ACTR3B: variants seen among roughly 807,000 people sequenced by gnomAD.
ACTR3B encodes the protein actin-related protein 3B.
A neutral mutation model predicts 59.0 loss-of-function variants in ACTR3B; 8 were observed. That is an observed-to-expected ratio of 0.14 (90% confidence interval 0.08 to 0.24). ACTR3B has a LOEUF of 0.24. Among genes scored for constraint, ACTR3B ranks in the 10% least tolerant of loss-of-function variants. The probability of loss-of-function intolerance (pLI) is 1.00; values close to 1 mark genes in which losing one functional copy is unlikely to be tolerated. For missense variants in ACTR3B, 245 were observed against 552.3 expected (o/e 0.44, Z 5.58); for synonymous variants, 148 against 197.9 (o/e 0.75, Z 2.12).
intron 2 of ACTR3B, among the ~76,000 whole-genome samples, chr7:152,788,703 G>A (rs1018747906): frequency 1.3e-4 from 20 of 152,140 alleles, no homozygotes; most frequent in Non-Finnish European, 1.6e-4. Context: ...GAGCCACTGC[G>A]CCTGGCCTTA....
intron 1 of ACTR3B, among the ~76,000 whole-genome samples, chr7:152,774,502 G>A (rs1184911310): frequency 6.6e-6 from 1 of 152,092 alleles, no homozygotes. Context: ...TTTTAGTGGG[G>A]CTTTGGGAAA....
At chr7:152,837,419 C>CCA (rs1380050013) in intron 9 of ACTR3B, among the ~76,000 whole-genome samples, 4 of 152,200 alleles carry the variant, frequency 2.6e-5, no homozygotes, top group Non-Finnish European at 4.4e-5. Context: ...CACATTTAAG[C>CCA]CATCAGAGTA....
intron 2 of ACTR3B, among the ~76,000 whole-genome samples, chr7:152,790,258 G>C (rs2098191122): frequency 6.6e-6 from 1 of 152,248 alleles, no homozygotes; most frequent in African/African-American, 2.4e-5. Flanking sequence ...CTCTCAAAGT[G>C]TTGAAATTAT....
chr7:152,854,814 T>C lies in ACTR3B; in HGVS notation c.*261T>C. ...CCTCCTCCTCCTCCGAGCTGCTAGC[T>C]GACAAATACAATTCTGAAGGAATCC... On this transcript the variant is annotated 3_prime_UTR_variant, in exon 12 of 12. Coordinates refer to ENST00000256001, the MANE Select transcript of ACTR3B (RefSeq NM_020445.6). The surrounding 1 kb of genome is among the most constrained non-coding windows in gnomAD (Gnocchi z 4.9). 2.4e-6 allele frequency: 1 copy of C among 420,200 alleles called. No homozygotes were observed. Among genetic ancestry groups the C allele is most frequent in the Non-Finnish European group, 4.3e-6 (1 of 232,746 alleles). 26.0% of individuals were successfully genotyped at this position (420,200 alleles called of 1,614,324 possible).
chr7:152,837,146 C>T (rs1022122743), intron 9 of ACTR3B, among the ~76,000 whole-genome samples: 11 of 152,030 alleles, frequency 7.2e-5, no homozygotes, highest in South Asian at 6.2e-4. Context: ...ACTGCAGTCC[C>T]GCCTGGGTGA....
chr7:152,824,699 T>C lies in ACTR3B; in HGVS notation c.859-331T>C, dbSNP rs1178186620. ...GATATGTCAAAGTCATGTTTCTCACTGCGTGTCACATAGATCGTGCACATA... is the reference window on the plus strand; with the variant it reads ...GATATGTCAAAGTCATGTTTCTCACCGCGTGTCACATAGATCGTGCACATA... On this transcript the variant is annotated intron_variant, in intron 8 of 11. Transcript: ENST00000256001. The surrounding 1 kb of genome is among the most constrained non-coding windows in gnomAD (Gnocchi z 4.2). Among the ~76,000 whole-genome samples, 1 of 152,246 alleles carries C rather than the reference T, an allele frequency of 6.6e-6. No individual in the cohort carries two copies. The highest frequency in any genetic ancestry group is 1.9e-4 in the East Asian group (1 of 5,202).
intron 9 of ACTR3B, among the ~76,000 whole-genome samples, chr7:152,842,822 G>A (rs1012723859): frequency 1.1e-4 from 16 of 152,142 alleles, no homozygotes; most frequent in Admixed American, 1.0e-3. Flanking sequence ...TTGTTGTATG[G>A]TAAGTTTTTC....
chr7:152,760,214 G>C (rs1304726959), intron 1 of ACTR3B, among the ~76,000 whole-genome samples: 2 of 152,160 alleles, frequency 1.3e-5, no homozygotes, highest in African/African-American at 4.8e-5. Flanking sequence ...CCACGTGGCC[G>C]GGCCCCTGGA....
intron 2 of ACTR3B, among the ~76,000 whole-genome samples, chr7:152,800,136 C>T (rs1308157339): frequency 6.6e-6 from 1 of 152,108 alleles, no homozygotes; most frequent in Non-Finnish European, 1.5e-5. Context: ...CATTATTTTT[C>T]AGTTTACTCT....
rs184210724 is a variant in ACTR3B, at chr7:152,843,793, T to G, written c.952-8333T>G. Among the ~76,000 whole-genome samples, 59 of 152,364 alleles carry G rather than the reference T, an allele frequency of 3.9e-4. 1 individual carries two copies. Among genetic ancestry groups the G allele is most frequent in the Admixed American group, 3.3e-3 (51 of 15,312 alleles). On this transcript the variant is annotated intron_variant, in intron 9 of 11. Transcript: ENST00000256001. Reference sequence around the variant, plus strand: ...GCAGATTAAAGTTTTGTATTAATGTTAAGTTTATGAAGTTGGCAGTTGTAC... The same window carrying G: ...GCAGATTAAAGTTTTGTATTAATGTGAAGTTTATGAAGTTGGCAGTTGTAC...
chr7:152,850,751 A>T (rs1798740190), intron 9 of ACTR3B, among the ~76,000 whole-genome samples: 2 of 151,396 alleles, frequency 1.3e-5, no homozygotes, highest in African/African-American at 4.9e-5. Flanking sequence ...GTTGCTAGGG[A>T]CAGAAAAGTG....
At chr7:152,787,578 T>C (rs2116648253) in intron 2 of ACTR3B, among the ~76,000 whole-genome samples, 1 of 152,126 alleles carries the variant, frequency 6.6e-6, no homozygotes, top group Admixed American at 6.5e-5. Flanking sequence ...GTGAGTATGG[T>C]GTGAAGGAGA....
chr7:152,787,745 G>A (rs1001183783), intron 2 of ACTR3B, among the ~76,000 whole-genome samples: 1 of 151,878 alleles, frequency 6.6e-6, no homozygotes, highest in African/African-American at 2.4e-5. Context: ...ATTTATCTGT[G>A]TTCCGTACGT....
At chr7:152,800,687 G>A (rs1371921513) in intron 3 of ACTR3B, 32 bp downstream of exon 3, 5 of 1,609,066 alleles carry the variant, frequency 3.1e-6, no homozygotes, top group East Asian at 2.2e-5. Context: ...GCTTCTCTAA[G>A]TGTAGAGTAG....
chr7:152,798,968 C>T (rs1225562585), intron 2 of ACTR3B, among the ~76,000 whole-genome samples: 1 of 152,156 alleles, frequency 6.6e-6, no homozygotes, highest in African/African-American at 2.4e-5. Context: ...ATTCCCTTGA[C>T]TGTTTGGGGT....
At chr7:152,834,074 A>T (rs1334811998) in intron 9 of ACTR3B, among the ~76,000 whole-genome samples, 1 of 151,168 alleles carries the variant, frequency 6.6e-6, no homozygotes, top group African/African-American at 2.4e-5. Flanking sequence ...TTCATGTTCA[A>T]TTTAGAAAAT....
chr7:152,796,133 C>T (rs180853557), intron 2 of ACTR3B, among the ~76,000 whole-genome samples: 21 of 152,346 alleles, frequency 1.4e-4, no homozygotes, highest in African/African-American at 4.3e-4. Context: ...GCGTGAGCCA[C>T]CGCGCCCGGC....
intron 9 of ACTR3B, among the ~76,000 whole-genome samples, chr7:152,844,587 A>G (rs1237871219): frequency 6.6e-6 from 1 of 151,958 alleles, no homozygotes; most frequent in East Asian, 1.9e-4. Flanking sequence ...TTCAAGAAAC[A>G]AAGTTTTATG....
At chr7:152,792,687 G>T (rs1231839458) in intron 2 of ACTR3B, among the ~76,000 whole-genome samples, 2 of 152,098 alleles carry the variant, frequency 1.3e-5, no homozygotes, top group Non-Finnish European at 2.9e-5. Flanking sequence ...GGTGGAGGTT[G>T]CAGTGAGCTG....
Sources: gnomAD v4.1 joint callset for allele counts (sites outside exome capture counted in the v4.1 genomes callset) on GRCh38, gnomAD v4.1.1 for gene constraint, Gnocchi (gnomAD v3.1) non-coding constraint, MANE v1.5 for transcripts, NCBI Gene and HGNC (gene_info 2026-07-23, HGNC 2026-07-21) for gene names.